RNGTT: variants seen among roughly 807,000 people sequenced by gnomAD.
RNGTT encodes the protein RNA guanylyltransferase and 5'-phosphatase.
RNGTT carries 33 observed loss-of-function variants against 79.3 expected under a neutral mutation model. The observed-to-expected ratio is 0.42, with a 90% CI of 0.32 to 0.56. RNGTT has a LOEUF of 0.56. RNGTT is among the 20% of genes least tolerant of loss of function. The probability of loss-of-function intolerance (pLI) is 0.17; values close to 1 mark genes in which losing one functional copy is unlikely to be tolerated. For synonymous variants in RNGTT, 222 were observed against 235.9 expected (o/e 0.94, Z 0.54); for missense variants, 497 against 739.1 (o/e 0.67, Z 3.80).
At chr6:88,791,138 AC>A (rs1243832734) in intron 12 of RNGTT, among the ~76,000 whole-genome samples, 1 of 66,638 alleles carries the variant, frequency 1.5e-5, no homozygotes, top group African/African-American at 5.2e-5. Flanking sequence ...AATCACAAGT[AC>A]CTTTTTTTTT....
intron 14 of RNGTT, among the ~76,000 whole-genome samples, chr6:88,664,616 C>T (rs1774322581): frequency 6.6e-6 from 1 of 152,154 alleles, no homozygotes. Flanking sequence ...CCAGTCTGAC[C>T]GTCCACGCTT....
chr6:88,851,681 C>A (rs1781678485), intron 9 of RNGTT, among the ~76,000 whole-genome samples: 1 of 151,914 alleles, frequency 6.6e-6, no homozygotes, highest in African/African-American at 2.4e-5. Flanking sequence ...TCACATCTGA[C>A]AGTCAGACAA....
At chr6:88,735,561 G>A (rs1409288762) in intron 13 of RNGTT, among the ~76,000 whole-genome samples, 1 of 135,762 alleles carries the variant, frequency 7.4e-6, no homozygotes, top group Non-Finnish European at 1.6e-5. Flanking sequence ...AGAATAACAC[G>A]AGTGTTAAAA....
intron 12 of RNGTT, among the ~76,000 whole-genome samples, chr6:88,800,765 G>A (rs200586048): frequency 1.6e-4 from 24 of 152,290 alleles, no homozygotes; most frequent in Middle Eastern, 3.4e-3. Flanking sequence ...GAAAAACACC[G>A]TCCTACAGAA....
rs71021396 is a variant in RNGTT at position 88,771,350 on chromosome 6, T to TACAC, written c.1339-1480_1339-1477dup. On this transcript the variant is annotated intron_variant, in intron 12 of 15. Transcript: ENST00000369485. Reference sequence around the variant, plus strand: ...ATATATATATATATATATATATATATACACACACACACACACACACAATTT... The same window carrying TACAC: ...ATATATATATATATATATATATATATACACACACACACACACACACACACAATTT... Among the ~76,000 whole-genome samples the TACAC allele has an allele frequency of 5.5e-3, 639 of 116,102 alleles. 13 individuals carry two copies. The highest frequency in any genetic ancestry group is 0.023 in the African/African-American group (601 of 25,750). 76.2% of individuals were successfully genotyped at this position (116,102 alleles called of 152,430 possible).
chr6:88,915,501 A>C (rs79681288), intron 4 of RNGTT, among the ~76,000 whole-genome samples: 1 of 152,222 alleles, frequency 6.6e-6, no homozygotes, highest in African/African-American at 2.4e-5. Context: ...TTATCCCAAG[A>C]GAATTAACGC....
intron 12 of RNGTT, among the ~76,000 whole-genome samples, chr6:88,795,769 G>A (rs1779581832): frequency 6.6e-6 from 1 of 151,942 alleles, no homozygotes; most frequent in Non-Finnish European, 1.5e-5. Context: ...TAAAAGGGAA[G>A]AACATAAAAA....
At chr6:88,761,056 C>T (rs1449839320) in intron 13 of RNGTT, among the ~76,000 whole-genome samples, 4 of 149,376 alleles carry the variant, frequency 2.7e-5, no homozygotes, top group Admixed American at 2.0e-4. Flanking sequence ...CACACACATA[C>T]ACTCTAGTCA....
At chr6:88,874,629 A>C (rs1294967482) in intron 8 of RNGTT, among the ~76,000 whole-genome samples, 3 of 152,028 alleles carry the variant, frequency 2.0e-5, no homozygotes, top group Non-Finnish European at 2.9e-5. Flanking sequence ...GTGAGCAAAT[A>C]ATGAGTTAAG....
chr6:88,703,835 C>T (rs1420946659), intron 13 of RNGTT, among the ~76,000 whole-genome samples: 1 of 152,084 alleles, frequency 6.6e-6, no homozygotes, highest in Non-Finnish European at 1.5e-5. Context: ...TTATTAGGTA[C>T]CTTGTTTCAA....
At chr6:88,761,325 A>G (rs1778241500) in intron 13 of RNGTT, among the ~76,000 whole-genome samples, 2 of 151,842 alleles carry the variant, frequency 1.3e-5, no homozygotes, top group Admixed American at 6.6e-5. Flanking sequence ...CCCCACCCCT[A>G]TTAAAATTAT....
At chr6:88,685,144 A>C (rs1175313349) in intron 13 of RNGTT, among the ~76,000 whole-genome samples, 1 of 152,166 alleles carries the variant, frequency 6.6e-6, no homozygotes, top group Non-Finnish European at 1.5e-5. Context: ...GGAGGAAAAA[A>C]GGAACAAATG....
intron 14 of RNGTT, among the ~76,000 whole-genome samples, chr6:88,622,534 C>T (rs918758871): frequency 3.9e-5 from 6 of 152,086 alleles, no homozygotes; most frequent in African/African-American, 1.4e-4. Flanking sequence ...TAAATTCTGC[C>T]TCTTTAAAAA....
chr6:88,768,058 C>A (rs1187385575), intron 13 of RNGTT, among the ~76,000 whole-genome samples: 1 of 151,936 alleles, frequency 6.6e-6, no homozygotes, highest in African/African-American at 2.4e-5. Flanking sequence ...TCAATATATT[C>A]TTGGGGGTTC....
intron 8 of RNGTT, among the ~76,000 whole-genome samples, chr6:88,859,889 T>G (rs1216609899): frequency 1.3e-5 from 2 of 152,154 alleles, no homozygotes; most frequent in Non-Finnish European, 2.9e-5. Context: ...CTGGGAAATG[T>G]AGGTTGCAAA....
chr6:88,872,112 C>A (rs1782377062), intron 8 of RNGTT, among the ~76,000 whole-genome samples: 1 of 152,184 alleles, frequency 6.6e-6, no homozygotes, highest in Non-Finnish European at 1.5e-5. Context: ...CTAACTTCAA[C>A]CATCTTGTAA....
chr6:88,625,851 T>C (rs1772610670), intron 14 of RNGTT, among the ~76,000 whole-genome samples: 1 of 151,964 alleles, frequency 6.6e-6, no homozygotes, highest in African/African-American at 2.4e-5. Flanking sequence ...CTAAATGACA[T>C]AGCCCTGCTT....
chr6:88,853,690 T>C lies in RNGTT; in HGVS notation c.971A>G (p.Asn324Ser). ...DRDNSVFHVS[N>S]LEFPFRKDLR... ...ATCTTTACGAAATGGAAATTCCAGA[T>C]TTGAAACATGAAATACTGAATTGTC... The change falls in exon 9 of 16, where the codon AAT becomes AGT. Residue 324 changes from asparagine (N) to serine (S), a missense_variant. Asn to Ser is a conservative substitution (Grantham distance 46). This residue lies in a region of RNGTT where 440 missense variants were observed against 671.5 expected (regional missense o/e 0.66). Coordinates refer to ENST00000369485, the MANE Select transcript of RNGTT (RefSeq NM_003800.5). The C allele has an allele frequency of 6.3e-7, 1 of 1,594,446 alleles. No individual in the cohort carries two copies.
intron 13 of RNGTT, among the ~76,000 whole-genome samples, chr6:88,721,162 T>C (rs1776697303): frequency 6.6e-6 from 1 of 152,108 alleles, no homozygotes; most frequent in African/African-American, 2.4e-5. Flanking sequence ...AGCAATTTAA[T>C]TCACTGGTAT....
Sources: allele counts gnomAD v4.1 joint callset (sites outside exome capture counted in the v4.1 genomes callset), GRCh38; gene constraint gnomAD v4.1.1; regional missense constraint gnomAD v4.1.1; transcripts MANE v1.5; gene names NCBI Gene and HGNC (gene_info 2026-07-23, HGNC 2026-07-21).